Variants in PCDHGA3 observed in about 807,000 individuals in gnomAD.
The protein encoded by PCDHGA3 is protocadherin gamma subfamily A, 3.
Under a neutral mutation model 58.5 loss-of-function variants are expected in PCDHGA3, and 40 were observed. That is an observed-to-expected ratio of 0.68 (90% CI 0.53 to 0.89). The LOEUF is 0.89. Among genes scored for constraint, PCDHGA3 ranks in the 40% least tolerant of loss-of-function variants. PCDHGA3 has a pLI of 0.00. For synonymous variants in PCDHGA3, 530 were observed against 525.7 expected (o/e 1.01, Z -0.11); for missense variants, 1,223 against 1,195.9 (o/e 1.02, Z -0.33).
intron 1 of PCDHGA3, chr5:141,400,091 C>A: frequency 6.2e-7 from 1 of 1,614,072 alleles, no homozygotes; most frequent in Non-Finnish European, 8.5e-7. Context: ...GCCACCGCCA[C>A]GCTGCACTTG....
At chr5:141,494,554 T>C (rs1270280236) in intron 1 of PCDHGA3, among the ~76,000 whole-genome samples, 1 of 152,178 alleles carries the variant, frequency 6.6e-6, no homozygotes, top group African/African-American at 2.4e-5. Flanking sequence ...GGGCCATTTC[T>C]TTAGGAAAGG....
At chr5:141,504,991 G>A (rs896449285) in intron 2 of PCDHGA3, among the ~76,000 whole-genome samples, 44 of 152,034 alleles carry the variant, frequency 2.9e-4, no homozygotes, top group Admixed American at 2.6e-3. Context: ...GTGAAACCCC[G>A]TCTGTACTAA....
chr5:141,378,758 C>T (rs969501970), intron 1 of PCDHGA3: 1 of 152,162 alleles, frequency 6.6e-6, no homozygotes, highest in Admixed American at 6.5e-5. Flanking sequence ...AAGGGATTAT[C>T]ATTTAGAAGA....
At chr5:141,350,486 T>G (rs1353463823) in intron 1 of PCDHGA3, 4 of 1,613,770 alleles carry the variant, frequency 2.5e-6, no homozygotes, top group Non-Finnish European at 3.4e-6. Context: ...CAACGTTAGT[T>G]TGGAGAGCGG....
intron 1 of PCDHGA3, chr5:141,441,470 C>G (rs1170727138): frequency 5.9e-6 from 1 of 168,868 alleles, no homozygotes; most frequent in East Asian, 1.9e-4. Context: ...ATTGGCGATG[C>G]CAACGACAAT....
At chr5:141,427,882 A>G (rs2097084180) in intron 1 of PCDHGA3, 3 of 1,563,878 alleles carry the variant, frequency 1.9e-6, no homozygotes, top group Non-Finnish European at 2.6e-6. Flanking sequence ...ATGCAGGCCC[A>G]CGACCAGGGC....
chr5:141,462,617 T>C (rs1413543706), intron 1 of PCDHGA3, among the ~76,000 whole-genome samples: 1 of 151,850 alleles, frequency 6.6e-6, no homozygotes, highest in East Asian at 1.9e-4. Context: ...TTTTCACTTT[T>C]AGAAGTTCCA....
intron 1 of PCDHGA3, chr5:141,351,782 G>A (rs575679144): frequency 1.2e-6 from 2 of 1,613,456 alleles, no homozygotes; most frequent in Non-Finnish European, 1.7e-6. Flanking sequence ...CCCGCAGAGC[G>A]GGGTGGTGTT....
intron 3 of PCDHGA3, among the ~76,000 whole-genome samples, chr5:141,506,454 A>G (rs2099853946): frequency 6.6e-6 from 1 of 151,844 alleles, no homozygotes; most frequent in African/African-American, 2.4e-5. Context: ...CAAAAAAAAA[A>G]AAAAAAAAAA....
intron 1 of PCDHGA3, chr5:141,360,589 T>C: frequency 6.2e-7 from 1 of 1,613,982 alleles, no homozygotes; most frequent in East Asian, 2.2e-5. Flanking sequence ...AGGTACAACA[T>C]TTCCACTTGA....
chr5:141,379,313 AG>A (rs1433876569), intron 1 of PCDHGA3: 2 of 152,264 alleles, frequency 1.3e-5, no homozygotes, highest in Non-Finnish European at 2.9e-5. Context: ...CCTAAACAAG[AG>A]ATCTAATCAT....
chr5:141,395,542 T>TTGTTTGTGTGTGTG (rs1267535064), intron 1 of PCDHGA3: 1 of 168,708 alleles, frequency 5.9e-6, no homozygotes, highest in African/African-American at 5.7e-5. Flanking sequence ...TTGCTATTGT[T>TTGTTTGTGTGTGTG]TGTGTGTGTG....
chr5:141,344,152 A>G lies in PCDHGA3; in HGVS notation c.119A>G (p.Asp40Gly), dbSNP rs1757375007. ...CGCTACTCGGTGTCTGAGGAGCTAGATAAAGGTTCCTTCGTGGGCAACATC... is the reference window on the plus strand; with the variant it reads ...CGCTACTCGGTGTCTGAGGAGCTAGGTAAAGGTTCCTTCGTGGGCAACATC... ...QIRYSVSEEL[D>G]KGSFVGNIAN... The change falls in exon 1 of 4, where the codon GAT becomes GGT. Residue 40 changes from aspartate to glycine, a missense_variant. Asp to Gly is a moderately conservative substitution (Grantham distance 94, BLOSUM62 -1). This residue lies in a region of PCDHGA3 where 791 missense variants were observed against 708.5 expected (regional missense o/e 1.12). Coordinates refer to ENST00000253812, the MANE Select transcript of PCDHGA3 (RefSeq NM_018916.4). The G allele has an allele frequency of 6.2e-7, 1 of 1,614,022 alleles. No individual in the cohort carries two copies. Among genetic ancestry groups the G allele is most frequent in the Admixed American group, 1.7e-5 (1 of 60,026 alleles).
intron 1 of PCDHGA3, chr5:141,395,264 A>T: frequency 1.3e-6 from 2 of 1,549,832 alleles, no homozygotes; most frequent in Non-Finnish European, 1.7e-6. Flanking sequence ...GCTTGCTTTT[A>T]ATTTCCAGAT....
intron 1 of PCDHGA3, chr5:141,403,058 C>T (rs1264463559): frequency 1.9e-6 from 3 of 1,613,942 alleles, no homozygotes; most frequent in African/African-American, 2.7e-5. Context: ...CTACTCAGTG[C>T]CTGAAGAGAC....
At chr5:141,488,578 G>A (rs1286219713) in intron 1 of PCDHGA3, among the ~76,000 whole-genome samples, 2 of 152,178 alleles carry the variant, frequency 1.3e-5, no homozygotes, top group Non-Finnish European at 2.9e-5. Flanking sequence ...AGCATTGCTG[G>A]AGAGTCAGGG....
chr5:141,384,160 A>G, intron 1 of PCDHGA3: 1 of 1,613,640 alleles, frequency 6.2e-7, no homozygotes, highest in African/African-American at 1.3e-5. Flanking sequence ...GTATAACATC[A>G]CACTGAAAGC....
At chr5:141,481,732 T>G (rs549671056) in intron 1 of PCDHGA3, among the ~76,000 whole-genome samples, 33 of 151,884 alleles carry the variant, frequency 2.2e-4, no homozygotes, top group Non-Finnish European at 4.3e-4. Context: ...GGCGGGCGGA[T>G]CACGAGGTCA....
In PCDHGA3 at chr5:141,357,092, C is replaced by T. The variant is rs763316267; in HGVS notation, c.2424+10635C>T. 2.5e-5 allele frequency: 41 copies of T among 1,613,756 alleles called. No homozygotes were observed. In the East Asian group the frequency reaches 9.1e-4, roughly 36 times the overall value. ...ACAGGCGAGGTGCGCACCGCACGGG[C>T]CCTGCTGGACAGAGACGCGCTCAAG... is the stretch of plus-strand genomic sequence containing the variant. On this transcript the variant is annotated intron_variant, in intron 1 of 3. Coordinates refer to ENST00000253812, the MANE Select transcript of PCDHGA3 (RefSeq NM_018916.4).
Sources: gnomAD v4.1 joint callset for allele counts (sites outside exome capture counted in the v4.1 genomes callset) on GRCh38, gnomAD v4.1.1 for gene constraint, gnomAD v4.1.1 regional missense constraint, MANE v1.5 for transcripts, NCBI Gene and HGNC (gene_info 2026-07-23, HGNC 2026-07-21) for gene names.